The following SUPT3H variants were observed in gnomAD, a reference collection of about 807,000 sequenced individuals.
The protein encoded by SUPT3H is SPT3 homolog, SAGA and STAGA complex component.
Under a neutral mutation model 44.3 loss-of-function variants are expected in SUPT3H, and 44 were observed. That is an observed-to-expected ratio of 0.99 (90% CI 0.78 to 1.28). The LOEUF (loss-of-function observed/expected upper bound fraction) is 1.28. Among genes scored for constraint, SUPT3H ranks in the 50% most tolerant of loss-of-function variants. The pLI, the probability that SUPT3H is intolerant of heterozygous loss-of-function variation, is 0.00. For missense variants in SUPT3H, 380 were observed against 387.1 expected (o/e 0.98, Z 0.15); for synonymous variants, 124 against 125.6 (o/e 0.99, Z 0.09).
intron 10 of SUPT3H, among the ~76,000 whole-genome samples, chr6:44,877,421 A>G (rs1259667749): frequency 6.7e-6 from 1 of 150,112 alleles, no homozygotes; most frequent in Non-Finnish European, 1.5e-5. Flanking sequence ...GTGAGCTGCG[A>G]TAGTGCCACT....
chr6:44,965,584 T>A (rs547978944), intron 6 of SUPT3H, among the ~76,000 whole-genome samples: 1 of 135,952 alleles, frequency 7.4e-6, no homozygotes, highest in South Asian at 2.3e-4. Context: ...TCTCTTCCCC[T>A]GAATTGTTTA....
chr6:44,882,620 A>G (rs1778429260), intron 10 of SUPT3H, among the ~76,000 whole-genome samples: 1 of 152,154 alleles, frequency 6.6e-6, no homozygotes, highest in Non-Finnish European at 1.5e-5. Context: ...GATGAACATC[A>G]ATGCAAAAAT....
chr6:45,354,658 C>A lies in SUPT3H; in HGVS notation c.101+10543G>T, dbSNP rs6904700. ...ACACACACACACACACACACAGTCTCCTATATGTTGCTATGCAGAGATCTC... is the reference window on the plus strand; with the variant it reads ...ACACACACACACACACACACAGTCTACTATATGTTGCTATGCAGAGATCTC... On this transcript the variant is annotated intron_variant, in intron 2 of 10. Coordinates refer to ENST00000371459, the MANE Select transcript of SUPT3H (RefSeq NM_003599.4). 5.5e-4 allele frequency among the ~76,000 whole-genome samples: 83 copies of A among 151,428 alleles called. 1 individual carries two copies. The highest frequency in any genetic ancestry group is 2.0e-3 in the African/African-American group (82 of 41,208).
chr6:44,833,912 G>A (rs910942570), intron 10 of SUPT3H, among the ~76,000 whole-genome samples: 1 of 152,088 alleles, frequency 6.6e-6, no homozygotes, highest in African/African-American at 2.4e-5. Context: ...AATCAGCCAG[G>A]TATAATACTT....
chr6:45,123,000 T>C (rs1801891199), intron 2 of SUPT3H, among the ~76,000 whole-genome samples: 1 of 152,218 alleles, frequency 6.6e-6, no homozygotes, highest in South Asian at 2.1e-4. Flanking sequence ...TAATGGAAGC[T>C]AGGTCCAAAA....
chr6:45,250,585 G>A (rs530521044), intron 2 of SUPT3H, among the ~76,000 whole-genome samples: 2 of 151,966 alleles, frequency 1.3e-5, no homozygotes, highest in East Asian at 1.9e-4. Context: ...CAGCAATTCC[G>A]GAAAGCTGAA....
At chr6:44,959,685 G>T (rs953223685) in intron 7 of SUPT3H, among the ~76,000 whole-genome samples, 1 of 152,096 alleles carries the variant, frequency 6.6e-6, no homozygotes, top group Non-Finnish European at 1.5e-5. Context: ...GAAAACAAAA[G>T]ACTGAATTGT....
intron 2 of SUPT3H, among the ~76,000 whole-genome samples, chr6:45,279,565 T>A (rs1471105521): frequency 6.6e-6 from 1 of 152,162 alleles, no homozygotes; most frequent in Non-Finnish European, 1.5e-5. Context: ...GCTCCTGCTA[T>A]GTGAGATGCC....
chr6:44,820,257 A>G (rs751191783), intron 11 of SUPT3H, among the ~76,000 whole-genome samples: 1 of 152,186 alleles, frequency 6.6e-6, no homozygotes, highest in African/African-American at 2.4e-5. Context: ...ATTTGACATA[A>G]TATTACTGAA....
chr6:44,865,428 G>A (rs1172590958), intron 10 of SUPT3H, among the ~76,000 whole-genome samples: 3 of 131,310 alleles, frequency 2.3e-5, no homozygotes, highest in Admixed American at 8.1e-5. Flanking sequence ...TTTTTATGCT[G>A]CTGATAAAGA....
intron 10 of SUPT3H, among the ~76,000 whole-genome samples, chr6:44,850,707 C>T (rs147275704): frequency 2.4e-4 from 36 of 152,034 alleles, no homozygotes; most frequent in African/African-American, 8.7e-4. Context: ...AGTCAGAATC[C>T]AGGGAAGCTG....
At chr6:45,288,418 A>C (rs6940983) in intron 2 of SUPT3H, among the ~76,000 whole-genome samples, 1 of 151,674 alleles carries the variant, frequency 6.6e-6, no homozygotes, top group Admixed American at 6.6e-5. Flanking sequence ...AAACATAATA[A>C]CTATGCAATG....
At chr6:44,857,899 G>A (rs765277527) in intron 10 of SUPT3H, among the ~76,000 whole-genome samples, 5 of 152,130 alleles carry the variant, frequency 3.3e-5, no homozygotes, top group African/African-American at 1.2e-4. Context: ...GGGAAGTAAA[G>A]ACTTGTTCTC....
intron 2 of SUPT3H, among the ~76,000 whole-genome samples, chr6:45,266,485 T>G (rs1584577284): frequency 6.6e-6 from 1 of 151,814 alleles, no homozygotes. Context: ...TACACTTAAG[T>G]CAAATGCATG....
Position 45,135,756 on chromosome 6 carries a change from C to A in SUPT3H, c.102-29750G>T, listed in dbSNP as rs570605449. On this transcript the variant is annotated intron_variant, in intron 2 of 10. Coordinates refer to ENST00000371459, the MANE Select transcript of SUPT3H (RefSeq NM_003599.4). Reference sequence around the variant, plus strand: ...CACCAGAAACAACAATGCTGGCACCCTGATCTCATACTTCTAACTTCCGGA... The same window carrying A: ...CACCAGAAACAACAATGCTGGCACCATGATCTCATACTTCTAACTTCCGGA... Among the ~76,000 whole-genome samples the A allele has an allele frequency of 2.6e-5, 4 of 152,284 alleles. No homozygotes were observed. The South Asian group carries it at 8.3e-4, about 32-fold the overall frequency.
intron 2 of SUPT3H, among the ~76,000 whole-genome samples, chr6:45,126,435 C>T (rs1802437946): frequency 6.6e-6 from 1 of 152,166 alleles, no homozygotes; most frequent in Non-Finnish European, 1.5e-5. Flanking sequence ...AATGTTACAA[C>T]CACACATCTG....
intron 10 of SUPT3H, among the ~76,000 whole-genome samples, chr6:44,914,623 G>A (rs1450420500): frequency 2.6e-5 from 4 of 152,284 alleles, no homozygotes; most frequent in Non-Finnish European, 5.9e-5. Flanking sequence ...GTAATGAAGT[G>A]TACATTTATA....
At chr6:45,315,946 T>TAGAC (rs1784622289) in intron 2 of SUPT3H, among the ~76,000 whole-genome samples, 1 of 151,690 alleles carries the variant, frequency 6.6e-6, no homozygotes, top group African/African-American at 2.4e-5. Flanking sequence ...GATAGATAGA[T>TAGAC]AGATAGATAG....
At chr6:44,874,899 C>T (rs1162219660) in intron 10 of SUPT3H, among the ~76,000 whole-genome samples, 1 of 146,186 alleles carries the variant, frequency 6.8e-6, no homozygotes, top group Non-Finnish European at 1.5e-5. Context: ...CTCCCATTCA[C>T]AATTGCTTCA....
Sources: gnomAD v4.1 joint callset for allele counts (sites outside exome capture counted in the v4.1 genomes callset) on GRCh38, gnomAD v4.1.1 for gene constraint, MANE v1.5 for transcripts, NCBI Gene and HGNC (gene_info 2026-07-23, HGNC 2026-07-21) for gene names.